Variants in SGCD observed in about 807,000 individuals in gnomAD.
The protein encoded by SGCD is sarcoglycan delta, also known as delta-sarcoglycan.
Under a neutral mutation model 36.6 loss-of-function variants are expected in SGCD, and 18 were observed. That is an observed-to-expected ratio of 0.49 (90% CI 0.34 to 0.73). SGCD has a LOEUF of 0.73. SGCD is among the 30% of genes least tolerant of loss of function. SGCD has a pLI of 0.01. For missense variants in SGCD, 387 were observed against 346.7 expected, an observed-to-expected ratio of 1.12 and a Z score of -0.92; for synonymous variants, 133 against 130.6, an observed-to-expected ratio of 1.02 and a Z score of -0.12.
At chr5:156,013,956 C>T (rs17053134) in intron 1 of SGCD, among the ~76,000 whole-genome samples, 9,371 of 149,778 alleles carry the variant, frequency 0.063, 935 homozygotes, top group African/African-American at 0.21. Context: ...TTTTTGTCTC[C>T]GAGATATGTT....
At chr5:156,125,173 A>G (rs551009961) in intron 3 of SGCD, among the ~76,000 whole-genome samples, 3 of 152,316 alleles carry the variant, frequency 2.0e-5, no homozygotes, top group Non-Finnish European at 2.9e-5. Flanking sequence ...ATCTCCTTCA[A>G]AAAAGAAAGA....
At chr5:156,625,930 CCAAA>C (rs1179980155) in intron 6 of SGCD, among the ~76,000 whole-genome samples, 11 of 151,846 alleles carry the variant, frequency 7.2e-5, no homozygotes, top group Non-Finnish European at 2.9e-5. Flanking sequence ...CACACTAGGG[CCAAA>C]CAGTGATTCT....
intron 7 of SGCD, among the ~76,000 whole-genome samples, chr5:156,652,700 G>A (rs1763507361): frequency 6.6e-6 from 1 of 152,078 alleles, no homozygotes; most frequent in East Asian, 1.9e-4. Context: ...TGCCCATTCA[G>A]TATGATGTTG....
chr5:156,411,636 G>A (rs752891717), intron 3 of SGCD, among the ~76,000 whole-genome samples: 4 of 152,066 alleles, frequency 2.6e-5, no homozygotes, highest in Non-Finnish European at 5.9e-5. Flanking sequence ...TGCCTGCCAG[G>A]GCTATTGTAC....
intron 2 of SGCD, among the ~76,000 whole-genome samples, chr5:156,340,382 T>C (rs1321090772): frequency 6.6e-6 from 1 of 152,228 alleles, no homozygotes; most frequent in African/African-American, 2.4e-5. Flanking sequence ...GTCCTCTTCC[T>C]TCATGTCACC....
At chr5:156,565,657 A>G (rs1006664376) in intron 4 of SGCD, among the ~76,000 whole-genome samples, 1 of 152,140 alleles carries the variant, frequency 6.6e-6, no homozygotes, top group African/African-American at 2.4e-5. Flanking sequence ...TCAGCCCGTC[A>G]TCTACATTAG....
At chr5:156,204,172 A>G (rs888510574) in intron 3 of SGCD, among the ~76,000 whole-genome samples, 10 of 152,054 alleles carry the variant, frequency 6.6e-5, no homozygotes, top group Non-Finnish European at 1.0e-4. Flanking sequence ...TTACTCCTCA[A>G]CAAGTGTTAC....
intron 3 of SGCD, among the ~76,000 whole-genome samples, chr5:156,242,013 G>C (rs1765317681): frequency 6.6e-6 from 1 of 152,118 alleles, no homozygotes; most frequent in African/African-American, 2.4e-5. Context: ...GGCCAGTGCA[G>C]GGTGTCACAA....
chr5:156,185,960 A>T (rs62380736), intron 3 of SGCD, among the ~76,000 whole-genome samples: 35,520 of 143,998 alleles, frequency 0.25, 4,788 homozygotes, highest in East Asian at 0.61. Flanking sequence ...GACTTGGGGT[A>T]CTTTTGATCT....
chr5:156,331,147 G>T (rs1005899962), intron 2 of SGCD, among the ~76,000 whole-genome samples: 5 of 152,198 alleles, frequency 3.3e-5, no homozygotes, highest in African/African-American at 1.2e-4. Context: ...AGGAAAGGAT[G>T]TTTTACTCTG....
intron 5 of SGCD, among the ~76,000 whole-genome samples, chr5:156,593,442 T>C (rs1760803765): frequency 6.6e-6 from 1 of 152,112 alleles, no homozygotes; most frequent in Non-Finnish European, 1.5e-5. Flanking sequence ...AGCAAAACTA[T>C]CAACATTGTC....
chr5:156,213,598 A>T (rs1374944661), intron 3 of SGCD, among the ~76,000 whole-genome samples: 1 of 152,076 alleles, frequency 6.6e-6, no homozygotes, highest in Non-Finnish European at 1.5e-5. Flanking sequence ...AAGAAGGGCT[A>T]CTTTCAAACT....
At chr5:156,410,043 G>A (rs1485748127) in intron 3 of SGCD, among the ~76,000 whole-genome samples, 1 of 152,076 alleles carries the variant, frequency 6.6e-6, no homozygotes, top group African/African-American at 2.4e-5. Context: ...CTTGATAGCT[G>A]AATAATTTCA....
At chr5:156,203,585 C>A (rs1253977017) in intron 3 of SGCD, among the ~76,000 whole-genome samples, 1 of 152,122 alleles carries the variant, frequency 6.6e-6, no homozygotes, top group African/African-American at 2.4e-5. Flanking sequence ...GTTCCTGACA[C>A]TGTGCTTTAT....
chr5:156,107,028 C>G (rs1761664426), intron 1 of SGCD, among the ~76,000 whole-genome samples: 1 of 152,116 alleles, frequency 6.6e-6, no homozygotes, highest in African/African-American at 2.4e-5. Context: ...CTCTGTGTTA[C>G]AGAGTCCTTG....
chr5:155,939,660 T>C (rs1032914143), intron 1 of SGCD, among the ~76,000 whole-genome samples: 40 of 114,064 alleles, frequency 3.5e-4, no homozygotes, highest in Non-Finnish European at 6.9e-4. Context: ...AAAAAAAAAA[T>C]AATAATAATG....
At chr5:156,605,971 A>G (rs150496590) in intron 6 of SGCD, among the ~76,000 whole-genome samples, 5,417 of 152,178 alleles carry the variant, frequency 0.036, 319 homozygotes, top group African/African-American at 0.12. Flanking sequence ...GTAGATTGCA[A>G]ATATTTTCAC....
intron 7 of SGCD, among the ~76,000 whole-genome samples, chr5:156,669,118 C>T (rs766005033): frequency 1.3e-5 from 2 of 152,050 alleles, no homozygotes; most frequent in Admixed American, 6.5e-5. Context: ...TCCTGCAATA[C>T]GGCCGAAAGT....
rs1023563985 is a variant in SGCD, at chr5:156,053,992, A to G, written c.-281-63886A>G. 3.4e-5 allele frequency among the ~76,000 whole-genome samples: 5 copies of G among 145,534 alleles called. 1 individual carries two copies. The Admixed American group carries it at 3.4e-4, about 10-fold the overall frequency. ...AGTTCTCATAACTTAATGACTTCCC[A>G]AAGGCCCTACCGCTTAATACTATCA... On this transcript the variant is annotated intron_variant, in intron 1 of 9. Coordinates refer to the SGCD transcript ENST00000517913.
Sources: gnomAD v4.1 joint callset for allele counts (sites outside exome capture counted in the v4.1 genomes callset) on GRCh38, gnomAD v4.1.1 for gene constraint, MANE v1.5 for transcripts, NCBI Gene and HGNC (gene_info 2026-07-23, HGNC 2026-07-21) for gene names.